Variants in RERE observed in about 807,000 individuals in gnomAD.
The protein encoded by RERE is arginine-glutamic acid dipeptide repeats.
RERE carries 40 observed loss-of-function variants against 146.1 expected under a neutral mutation model. The observed-to-expected ratio is 0.27, with a 90% confidence interval of 0.21 to 0.36. The LOEUF is 0.36. Among genes scored for constraint, RERE ranks in the 10% least tolerant of loss-of-function variants. The pLI is 1.00. For synonymous variants in RERE, 1,003 were observed against 866.0 expected, an observed-to-expected ratio of 1.16 and a Z score of -2.78; for missense variants, 1,933 against 2,138.7, an observed-to-expected ratio of 0.90 and a Z score of 1.90.
At chr1:8,470,551 C>A (rs183181458) in intron 10 of RERE, among the ~76,000 whole-genome samples, 31 of 152,218 alleles carry the variant, frequency 2.0e-4, no homozygotes, top group African/African-American at 7.0e-4. Flanking sequence ...CCACGCCCAG[C>A]CCCAAAGAGA....
chr1:8,600,116 T>C (rs763025594), intron 4 of RERE, among the ~76,000 whole-genome samples: 1 of 151,686 alleles, frequency 6.6e-6, no homozygotes, highest in Non-Finnish European at 1.5e-5. Flanking sequence ...TAAATGGGAG[T>C]TTCCCTGCAC....
At chr1:8,721,652 C>A (rs974924327) in intron 1 of RERE, among the ~76,000 whole-genome samples, 2 of 152,130 alleles carry the variant, frequency 1.3e-5, no homozygotes, top group African/African-American at 4.8e-5. Flanking sequence ...AAGTGAGGCA[C>A]CTGACCAGGA....
At chr1:8,683,031 CAAAAAAA>C (rs71580039) in intron 1 of RERE, among the ~76,000 whole-genome samples, 8 of 65,728 alleles carry the variant, frequency 1.2e-4, no homozygotes, top group Non-Finnish European at 1.8e-4. Context: ...CTGTCTTTAC[CAAAAAAA>C]AAAAAAAAAA....
intron 10 of RERE, among the ~76,000 whole-genome samples, chr1:8,468,418 G>A (rs1368126628): frequency 1.3e-5 from 2 of 152,152 alleles, no homozygotes; most frequent in Non-Finnish European, 2.9e-5. Context: ...ACAGGTCAAC[G>A]TGGATTGGAA....
chr1:8,571,396 T>C (rs114552050), intron 4 of RERE, among the ~76,000 whole-genome samples: 1,696 of 152,270 alleles, frequency 0.011, 31 homozygotes, highest in African/African-American at 0.039. Context: ...AGTAAAGTAA[T>C]TTTTAGCAAC....
intron 12 of RERE, among the ~76,000 whole-genome samples, chr1:8,400,297 A>G (rs1161663527): frequency 1.3e-5 from 2 of 151,348 alleles, no homozygotes; most frequent in South Asian, 4.2e-4. Context: ...TCTGTTACCC[A>G]GACTGGAGTG....
chr1:8,366,916 C>CAAAAAAAAAAAAAA (rs5772317), intron 12 of RERE, among the ~76,000 whole-genome samples: 205 of 107,568 alleles, frequency 1.9e-3, no homozygotes, highest in East Asian at 3.2e-3. Context: ...AAAAAAAAAA[C>CAAAAAAAAAAAAAA]AAAAAAAAAA....
chr1:8,723,742 T>G (rs974221104), intron 1 of RERE, among the ~76,000 whole-genome samples: 1 of 152,206 alleles, frequency 6.6e-6, no homozygotes, highest in African/African-American at 2.4e-5. Flanking sequence ...TTTTTAAGTC[T>G]AAGCAGAAGA....
At chr1:8,641,925 A>C (rs948163232) in intron 2 of RERE, among the ~76,000 whole-genome samples, 1 of 152,228 alleles carries the variant, frequency 6.6e-6, no homozygotes, top group African/African-American at 2.4e-5. Flanking sequence ...TTAAAAATTA[A>C]GTAATCAAAT....
At chr1:8,465,269 C>A in intron 11 of RERE, 1 of 157,720 alleles carries the variant, frequency 6.3e-6, no homozygotes, top group East Asian at 1.8e-4. Context: ...CCCCCACTTC[C>A]TTCAACAGGC....
intron 8 of RERE, among the ~76,000 whole-genome samples, chr1:8,503,637 A>T (rs1645211391): frequency 6.6e-6 from 1 of 152,256 alleles, no homozygotes; most frequent in African/African-American, 2.4e-5. Flanking sequence ...GATGTATATT[A>T]TGTTATTATT....
chr1:8,386,132 T>C (rs1642674688), intron 12 of RERE, among the ~76,000 whole-genome samples: 1 of 146,536 alleles, frequency 6.8e-6, no homozygotes. Flanking sequence ...TTTTTATAAA[T>C]TTCATGAATA....
intron 10 of RERE, among the ~76,000 whole-genome samples, chr1:8,478,085 A>G (rs1644777987): frequency 6.6e-6 from 1 of 152,250 alleles, no homozygotes; most frequent in Non-Finnish European, 1.5e-5. Flanking sequence ...TTACCTCACA[A>G]TTCTAGCTTT....
Position 8,778,813 on chromosome 1 carries a change from CA to C in RERE, c.-145+38346del, listed in dbSNP as rs34675707. Among the ~76,000 whole-genome samples the C allele has an allele frequency of 4.7e-3, 636 of 134,618 alleles. 3 individuals are homozygous for C. Among genetic ancestry groups the C allele is most frequent in the African/African-American group, 0.011 (395 of 36,940 alleles). The allele number at this position is 134,618 out of a possible 152,430, so 88.3% of individuals were successfully genotyped here. A position where few individuals can be genotyped will look rare whatever the true frequency, so the allele number is the denominator to read the frequency against. ...ATCATGCCACTGTGACCTTGTCTCC[CA>C]AAAAAAAAAAAGAAAAAGAAAATAC... On this transcript the variant is annotated intron_variant, in intron 1 of 22. Transcript: ENST00000400908.
intron 1 of RERE, among the ~76,000 whole-genome samples, chr1:8,725,157 G>A (rs539811089): frequency 6.6e-6 from 1 of 152,290 alleles, no homozygotes; most frequent in African/African-American, 2.4e-5. Context: ...CATGATACTC[G>A]TTCCTGTCTC....
intron 6 of RERE, among the ~76,000 whole-genome samples, chr1:8,542,815 A>AT (rs1645815264): frequency 6.6e-6 from 1 of 152,188 alleles, no homozygotes; most frequent in Admixed American, 6.5e-5. Flanking sequence ...CCCCATCTCC[A>AT]TTTTTTAAAT....
chr1:8,475,989 G>A (rs1441725256), intron 10 of RERE, among the ~76,000 whole-genome samples: 1 of 152,206 alleles, frequency 6.6e-6, no homozygotes, highest in Admixed American at 6.5e-5. Flanking sequence ...GGGCTTGAGA[G>A]AAAGGTCTAG....
At chr1:8,518,905 C>A (rs112570023) in intron 7 of RERE, among the ~76,000 whole-genome samples, 1 of 152,096 alleles carries the variant, frequency 6.6e-6, no homozygotes, top group African/African-American at 2.4e-5. Flanking sequence ...GTGGGTTAGC[C>A]CTGCTCCTTA....
intron 12 of RERE, among the ~76,000 whole-genome samples, chr1:8,372,144 C>A (rs1642061987): frequency 6.6e-6 from 1 of 152,104 alleles, no homozygotes; most frequent in Admixed American, 6.6e-5. Flanking sequence ...AAGAAGAAGG[C>A]ACTGGAAGCA....
Sources: allele counts gnomAD v4.1 joint callset (sites outside exome capture counted in the v4.1 genomes callset), GRCh38; gene constraint gnomAD v4.1.1; transcripts MANE v1.5; gene names NCBI Gene and HGNC (gene_info 2026-07-23, HGNC 2026-07-21).